Variants in LRRN1 observed in about 807,000 individuals in gnomAD.
LRRN1 encodes the protein leucine-rich repeat neuronal protein 1.
A neutral mutation model predicts 45.8 loss-of-function variants in LRRN1; 14 were observed. The observed-to-expected ratio is 0.31, with a 90% CI of 0.20 to 0.48. LRRN1 has a LOEUF of 0.48. LRRN1 is among the 20% of genes least tolerant of loss of function. The probability of loss-of-function intolerance (pLI) is 0.99; values close to 1 mark genes in which losing one functional copy is unlikely to be tolerated. For missense variants in LRRN1, 789 were observed against 874.2 expected (o/e 0.90, Z 1.23); for synonymous variants, 359 against 330.1 (o/e 1.09, Z -0.95).
intron 1 of LRRN1, among the ~76,000 whole-genome samples, chr3:3,821,208 T>A (rs1693099028): frequency 6.6e-6 from 1 of 152,158 alleles, no homozygotes; most frequent in African/African-American, 2.4e-5. Context: ...TGGCCACTGG[T>A]TACATCTGGC....
chr3:3,826,188 T>C (rs1014001371), intron 1 of LRRN1, among the ~76,000 whole-genome samples: 17 of 151,764 alleles, frequency 1.1e-4, no homozygotes, highest in African/African-American at 4.1e-4. Flanking sequence ...TCCAAAACAA[T>C]TTAATAACAC....
At chr3:3,818,630 C>T (rs1036376754) in intron 1 of LRRN1, among the ~76,000 whole-genome samples, 8 of 152,140 alleles carry the variant, frequency 5.3e-5, no homozygotes, top group East Asian at 1.9e-4. Flanking sequence ...ACTAAAGGCT[C>T]GAGATTCTTC....
In LRRN1 at chr3:3,839,377, C is replaced by T. The variant is rs141695033; in HGVS notation, c.-278-4987C>T. Reference sequence around the variant, plus strand: ...TGTCTGCCTTTATGTCAGTACCACACCATCTTGATTACTGTTGCCTTACAG... The same window carrying T: ...TGTCTGCCTTTATGTCAGTACCACATCATCTTGATTACTGTTGCCTTACAG... On this transcript the variant is annotated intron_variant, in intron 1 of 1. Transcript: ENST00000319331. Among the ~76,000 whole-genome samples, 73 of 152,250 alleles carry T rather than the reference C, an allele frequency of 4.8e-4. No homozygotes were observed. The East Asian group carries it at 0.014, about 28-fold the overall frequency.
chr3:3,809,301 G>T (rs1171654042), intron 1 of LRRN1, among the ~76,000 whole-genome samples: 1 of 152,076 alleles, frequency 6.6e-6, no homozygotes, highest in Non-Finnish European at 1.5e-5. Context: ...CTGCCACCAT[G>T]CCCAGCTAAT....
chr3:3,808,479 C>A (rs904563358), intron 1 of LRRN1, among the ~76,000 whole-genome samples: 1 of 152,158 alleles, frequency 6.6e-6, no homozygotes, highest in African/African-American at 2.4e-5. Flanking sequence ...TGAATGGGTA[C>A]ACATCTGTTT....
rs1276118385 is a variant in LRRN1 at position 3,845,492 on chromosome 3, A to C, written c.851A>C (p.Lys284Thr). 6.2e-7 allele frequency: 1 copy of C among 1,614,164 alleles called. No individual in the cohort carries two copies. The highest frequency in any genetic ancestry group is 1.7e-5 in the Admixed American group (1 of 60,016). ...PIHKIQEGDF[K>T]NMLRLKELGI... ...CACAAAATCCAAGAAGGGGACTTCA[A>C]AAATATGCTTCGGTTAAAAGAACTG... The change falls in exon 2 of 2, where the codon AAA becomes ACA. Residue 284 changes from lysine (K) to threonine (T), a missense_variant. Transcript: ENST00000319331. This position sits in a 1 kb window ranked among gnomAD's most constrained non-coding sequence, Gnocchi z 6.5.
intron 1 of LRRN1, 89 bp downstream of exon 1, chr3:3,800,008 C>T (rs1435614336): frequency 3.3e-5 from 5 of 152,936 alleles, no homozygotes; most frequent in Non-Finnish European, 4.4e-5. Flanking sequence ...GGAGACCCTA[C>T]GGGGTCTGGG....
At chr3:3,814,263 C>G (rs1027329739) in intron 1 of LRRN1, among the ~76,000 whole-genome samples, 1 of 149,432 alleles carries the variant, frequency 6.7e-6, no homozygotes, top group Non-Finnish European at 1.5e-5. Flanking sequence ...TCCCATAGTT[C>G]CCCTGTAAAG....
chr3:3,800,057 G>A (rs1339427489), intron 1 of LRRN1, 138 bp downstream of exon 1: 1 of 152,226 alleles, frequency 6.6e-6, no homozygotes, highest in Admixed American at 6.5e-5. Flanking sequence ...GGGGGACGAG[G>A]GGGCGCGGCT....
chr3:3,802,527 C>A (rs1692676250), intron 1 of LRRN1, among the ~76,000 whole-genome samples: 1 of 152,136 alleles, frequency 6.6e-6, no homozygotes, highest in African/African-American at 2.4e-5. Context: ...GAGGGGTGGA[C>A]AACAGATGTT....
rs760652867 is a variant in LRRN1, at chr3:3,845,250, G to A, written c.609G>A (p.Val203=). Residue 203 remains valine (V), a synonymous_variant, in exon 2 of 2, where the codon GTG becomes GTA. Coordinates refer to ENST00000319331, the MANE Select transcript of LRRN1 (RefSeq NM_020873.7). The surrounding 1 kb of genome is among the most constrained non-coding windows in gnomAD (Gnocchi z 6.5). ...TTCTCATGATCGGAGAAAACCCTGT[G>A]ATTGGAATTCTGGATATGAACTTCA... ...LEILMIGENP[V]IGILDMNFKP... The A allele has an allele frequency of 2.5e-6, 4 of 1,614,156 alleles. No homozygotes were observed. Among genetic ancestry groups the A allele is most frequent in the Non-Finnish European group, 3.4e-6 (4 of 1,180,036 alleles).
rs772061670 is a variant in LRRN1 at position 3,846,317 on chromosome 3, C to A, written c.1676C>A (p.Ala559Asp). 6.6e-5 allele frequency: 106 copies of A among 1,613,772 alleles called. No individual in the cohort carries two copies. The highest frequency in any genetic ancestry group is 8.6e-5 in the Non-Finnish European group (102 of 1,180,010). Residue 559 changes from alanine to aspartate, a missense_variant, in exon 2 of 2, where the codon GCC (alanine) becomes GAC (aspartate). Coordinates refer to ENST00000319331, the MANE Select transcript of LRRN1 (RefSeq NM_020873.7). The surrounding 1 kb of genome is among the most constrained non-coding windows in gnomAD (Gnocchi z 5.7). ...ACGTCAAACTTAAAATGGTCGTCTG[C>A]CACCATGAAGATTGATAACCCTCAC... The part of the protein sequence containing the change: ...VMTSNLKWSS[A>D]TMKIDNPHIT...
At position 3,846,038 on chromosome 3, in the gene LRRN1, A is replaced by T; in HGVS notation, c.1397A>T (p.Lys466Met). The part of the protein sequence containing the change: ...EIYWVTPIGN[K>M]ITVETLSDKY... The stretch of plus-strand genomic sequence containing the variant: ...TACTGGGTCACTCCCATTGGAAATA[A>T]GATAACTGTGGAAACCCTTTCAGAT... The change falls in exon 2 of 2, where the codon AAG (lysine) becomes ATG (methionine). Residue 466 changes from lysine to methionine, a missense_variant. Lys to Met is a moderately conservative substitution (Grantham distance 95). Transcript: ENST00000319331. This position sits in a 1 kb window ranked among gnomAD's most constrained non-coding sequence, Gnocchi z 5.7. 2 of 1,614,138 alleles carry T rather than the reference A, an allele frequency of 1.2e-6. No individual in the cohort carries two copies. The highest frequency in any genetic ancestry group is 1.7e-6 in the Non-Finnish European group (2 of 1,179,994).
chr3:3,830,373 A>G (rs1489495082), intron 1 of LRRN1, among the ~76,000 whole-genome samples: 1 of 152,132 alleles, frequency 6.6e-6, no homozygotes, highest in East Asian at 1.9e-4. Context: ...GTATATACTC[A>G]CACATCTGGC....
chr3:3,836,632 A>T (rs533870692), intron 1 of LRRN1, among the ~76,000 whole-genome samples: 1 of 152,266 alleles, frequency 6.6e-6, no homozygotes, highest in African/African-American at 2.4e-5. Context: ...CTGTGCTTCC[A>T]ATACCCTTCC....
chr3:3,814,961 C>CT (rs1406750621), intron 1 of LRRN1, among the ~76,000 whole-genome samples: 2 of 152,054 alleles, frequency 1.3e-5, no homozygotes, highest in African/African-American at 4.8e-5. Flanking sequence ...AAAATGGTCC[C>CT]TTTTTAAAAC....
At chr3:3,837,160 G>A (rs910739501) in intron 1 of LRRN1, among the ~76,000 whole-genome samples, 9 of 152,202 alleles carry the variant, frequency 5.9e-5, no homozygotes, top group African/African-American at 1.7e-4. Flanking sequence ...CTGTGAAGAC[G>A]CTGGGGAAGA....
intron 1 of LRRN1, among the ~76,000 whole-genome samples, chr3:3,804,710 C>G (rs1038672590): frequency 1.3e-5 from 2 of 152,232 alleles, no homozygotes; most frequent in Non-Finnish European, 2.9e-5. Flanking sequence ...GACATGTGGA[C>G]TCCACAGCTG....
chr3:3,816,597 T>TA lies in LRRN1; in HGVS notation c.-279+16684dup, dbSNP rs1160989319. On this transcript the variant is annotated intron_variant, in intron 1 of 1. Coordinates refer to ENST00000319331, the MANE Select transcript of LRRN1 (RefSeq NM_020873.7). This position sits in a 1 kb window ranked among gnomAD's most constrained non-coding sequence, Gnocchi z 4.0. ...GGCCTTGAAGAAAACTATGTCTTAGTAAAAAATATATAACCACCCTTATTA... is the reference window on the plus strand; with the variant it reads ...GGCCTTGAAGAAAACTATGTCTTAGTAAAAAAATATATAACCACCCTTATTA... Among the ~76,000 whole-genome samples, 2 of 152,142 alleles carry TA rather than the reference T, an allele frequency of 1.3e-5. No homozygotes were observed. Among genetic ancestry groups the TA allele is most frequent in the Admixed American group, 6.6e-5 (1 of 15,254 alleles).
Sources: allele counts gnomAD v4.1 joint callset (sites outside exome capture counted in the v4.1 genomes callset), GRCh38; gene constraint gnomAD v4.1.1; non-coding constraint Gnocchi (gnomAD v3.1); transcripts MANE v1.5; gene names NCBI Gene and HGNC (gene_info 2026-07-23, HGNC 2026-07-21).